Variants in FGF12 observed in about 807,000 individuals in gnomAD.
FGF12 encodes the protein fibroblast growth factor 12, also known as fibroblast growth factor 12B.
FGF12 carries 14 observed loss-of-function variants against 23.6 expected under a neutral mutation model. The ratio of observed to expected loss-of-function variants is 0.59; its 90% CI spans 0.39 to 0.93. FGF12 has a LOEUF of 0.93. FGF12 is among the 40% of genes least tolerant of loss of function. The pLI, the probability that FGF12 is intolerant of heterozygous loss-of-function variation, is 0.00. For synonymous variants in FGF12, 62 were observed against 77.3 expected (o/e 0.80, Z 1.04); for missense variants, 175 against 217.8 (o/e 0.80, Z 1.24).
At chr3:192,521,271 T>C (rs1195627294) in intron 2 of FGF12, 1 of 152,228 alleles carries the variant, frequency 6.6e-6, no homozygotes, top group Non-Finnish European at 1.5e-5. Flanking sequence ...TGAGAACTTT[T>C]TTCTTATCTT....
intron 2 of FGF12, among the ~76,000 whole-genome samples, chr3:192,508,156 C>G (rs1035632900): frequency 6.6e-6 from 1 of 152,154 alleles, no homozygotes; most frequent in African/African-American, 2.4e-5. Context: ...GCAATGCTAT[C>G]GTTTCTATAA....
At chr3:192,642,950 C>T (rs1317255160) in intron 2 of FGF12, among the ~76,000 whole-genome samples, 1 of 152,232 alleles carries the variant, frequency 6.6e-6, no homozygotes, top group Admixed American at 6.5e-5. Flanking sequence ...CTTTTTACTA[C>T]TAAATGCTCT....
chr3:192,505,752 G>A (rs1724271910), intron 2 of FGF12, among the ~76,000 whole-genome samples: 1 of 152,158 alleles, frequency 6.6e-6, no homozygotes, highest in South Asian at 2.1e-4. Context: ...GGTAACTGCG[G>A]TTAATTGAAA....
At chr3:192,559,998 TA>T (rs1577053912) in intron 2 of FGF12, among the ~76,000 whole-genome samples, 1 of 152,026 alleles carries the variant, frequency 6.6e-6, no homozygotes, top group East Asian at 1.9e-4. Context: ...TACCATAAAA[TA>T]AGTAGCAATA....
intron 3 of FGF12, among the ~76,000 whole-genome samples, chr3:192,344,648 G>A (rs934591911): frequency 1.3e-5 from 2 of 152,082 alleles, no homozygotes; most frequent in African/African-American, 2.4e-5. Context: ...CATACACTGT[G>A]GGTTTTCAGC....
In FGF12 at chr3:192,143,204, T is replaced by A. The variant is rs925940744; in HGVS notation, c.*805A>T. 1 of 146,768 alleles carries A rather than the reference T, an allele frequency of 6.8e-6. No homozygotes were observed. The highest frequency in any genetic ancestry group is 1.5e-5 in the Non-Finnish European group (1 of 66,950). The allele number at this position is 146,768 out of a possible 1,614,324, so 9.1% of individuals were successfully genotyped here. A position where few individuals can be genotyped will look rare whatever the true frequency, so the allele number is the denominator to read the frequency against. On this transcript the variant is annotated 3_prime_UTR_variant, in exon 6 of 6. Transcript: ENST00000445105. Reference sequence around the variant, plus strand: ...AGTCACTTCAGCATTAGAACAGTAATGTTTTTGCTAAATTACTAAAAAAAA... The same window carrying A: ...AGTCACTTCAGCATTAGAACAGTAAAGTTTTTGCTAAATTACTAAAAAAAA...
chr3:192,552,091 T>C (rs1223041196), intron 2 of FGF12, among the ~76,000 whole-genome samples: 2 of 151,978 alleles, frequency 1.3e-5, no homozygotes, highest in South Asian at 2.1e-4. Flanking sequence ...AACTATAACA[T>C]AGGACTAATG....
intron 2 of FGF12, among the ~76,000 whole-genome samples, chr3:192,529,106 C>T (rs1436830540): frequency 1.4e-4 from 22 of 152,184 alleles, no homozygotes; most frequent in Admixed American, 1.4e-3. Flanking sequence ...TTTTCTATCG[C>T]ATTGTCAGGC....
intron 2 of FGF12, among the ~76,000 whole-genome samples, chr3:192,593,075 G>A (rs945466644): frequency 1.3e-5 from 2 of 151,808 alleles, no homozygotes; most frequent in African/African-American, 4.8e-5. Context: ...CCTTTAAAAT[G>A]CAAGTAACAT....
intron 5 of FGF12, among the ~76,000 whole-genome samples, chr3:192,162,280 G>T (rs1714923759): frequency 6.6e-6 from 1 of 152,114 alleles, no homozygotes; most frequent in African/African-American, 2.4e-5. Context: ...AATTCTAAGT[G>T]CTAGTTTGGA....
At chr3:192,691,445 C>T (rs1424063012) in intron 2 of FGF12, among the ~76,000 whole-genome samples, 1 of 151,514 alleles carries the variant, frequency 6.6e-6, no homozygotes, top group African/African-American at 2.4e-5. Context: ...ACCGATGAGT[C>T]AAAGAAAAAA....
At chr3:192,282,358 T>A (rs1043458494) in intron 4 of FGF12, among the ~76,000 whole-genome samples, 1 of 152,094 alleles carries the variant, frequency 6.6e-6, no homozygotes, top group Admixed American at 6.6e-5. Flanking sequence ...ATTACTAGAT[T>A]CTTAAATACA....
Position 192,439,817 on chromosome 3 carries a change from A to T in FGF12, c.14-79279T>A, listed in dbSNP as rs571536820. On this transcript the variant is annotated intron_variant, in intron 2 of 5. Coordinates refer to ENST00000445105, the MANE Select transcript of FGF12 (RefSeq NM_004113.6). ...TGGTGAAACCCCGTCTCTACTAAAA[A>T]TACAAAAAATTTAGCCGGGTGTGGT... 4.6e-5 allele frequency among the ~76,000 whole-genome samples: 7 copies of T among 152,190 alleles called. No homozygotes were observed. The South Asian group carries it at 1.5e-3, about 32-fold the overall frequency.
intron 2 of FGF12, among the ~76,000 whole-genome samples, chr3:192,459,119 G>C (rs1040641777): frequency 5.3e-5 from 8 of 152,154 alleles, no homozygotes; most frequent in African/African-American, 1.9e-4. Context: ...TCCCAGTCTA[G>C]AGTATGTCTT....
intron 4 of FGF12, among the ~76,000 whole-genome samples, chr3:192,289,838 C>T (rs1714660960): frequency 6.6e-6 from 1 of 152,256 alleles, no homozygotes; most frequent in Non-Finnish European, 1.5e-5. Flanking sequence ...ATAGGGATTA[C>T]AAGGAGATAT....
intron 5 of FGF12, among the ~76,000 whole-genome samples, chr3:192,164,126 G>T (rs1715027746): frequency 6.6e-6 from 1 of 152,036 alleles, no homozygotes; most frequent in African/African-American, 2.4e-5. Context: ...GAGGAGAAAA[G>T]GAGGAGACTA....
chr3:192,227,325 A>T (rs1312079080), intron 4 of FGF12, among the ~76,000 whole-genome samples: 2 of 152,182 alleles, frequency 1.3e-5, no homozygotes, highest in Admixed American at 6.6e-5. Context: ...CAGACATTTA[A>T]GCCTTAACTC....
chr3:192,655,720 T>A (rs1716385524), intron 2 of FGF12, among the ~76,000 whole-genome samples: 1 of 152,056 alleles, frequency 6.6e-6, no homozygotes, highest in African/African-American at 2.4e-5. Flanking sequence ...GATGGACGAG[T>A]GTCCCATGCT....
chr3:192,522,061 G>A (rs772879863), intron 2 of FGF12, among the ~76,000 whole-genome samples: 24 of 152,064 alleles, frequency 1.6e-4, no homozygotes, highest in African/African-American at 2.9e-4. Flanking sequence ...AGCCGAGCGC[G>A]GTGGCGGGCG....
Sources: gnomAD v4.1 joint callset for allele counts (sites outside exome capture counted in the v4.1 genomes callset) on GRCh38, gnomAD v4.1.1 for gene constraint, MANE v1.5 for transcripts, NCBI Gene and HGNC (gene_info 2026-07-23, HGNC 2026-07-21) for gene names.